MARCHF8: variants seen among roughly 807,000 people sequenced by gnomAD.
MARCHF8 encodes membrane associated ring-CH-type finger 8.
A neutral mutation model predicts 51.6 loss-of-function variants in MARCHF8; 40 were observed. The observed-to-expected ratio is 0.77, with a 90% CI of 0.60 to 1.01. The LOEUF is 1.01. MARCHF8 is among the 50% of genes least tolerant of loss of function. The pLI is 0.00. For missense variants in MARCHF8, 685 were observed against 708.6 expected, an observed-to-expected ratio of 0.97 and a Z score of 0.38; for synonymous variants, 263 against 280.3, an observed-to-expected ratio of 0.94 and a Z score of 0.62.
chr10:45,588,508 G>A lies in MARCHF8; in HGVS notation c.-79+5727C>T, dbSNP rs71499567. ...ACCAATATGTGAAATGTTATGTACT[G>A]CTATATTGTCTTAAAATTGCCTGTT... is the stretch of plus-strand genomic sequence containing the variant. On this transcript the variant is annotated intron_variant, in intron 1 of 6. Transcript: ENST00000319836. Among the ~76,000 whole-genome samples, 11 of 152,202 alleles carry A rather than the reference G, an allele frequency of 7.2e-5. 1 individual carries two copies. The highest frequency in any genetic ancestry group is 5.9e-4 in the Admixed American group (9 of 15,300).
At chr10:45,526,601 T>G (rs2043798230) in intron 2 of MARCHF8, among the ~76,000 whole-genome samples, 1 of 152,054 alleles carries the variant, frequency 6.6e-6, no homozygotes, top group Admixed American at 6.6e-5. Flanking sequence ...GTCTGCAGAA[T>G]AGTGAGCCAA....
At chr10:45,543,181 T>C (rs891959069) in intron 1 of MARCHF8, among the ~76,000 whole-genome samples, 2 of 152,204 alleles carry the variant, frequency 1.3e-5, no homozygotes, top group Admixed American at 6.5e-5. Context: ...TTGACTTAAA[T>C]GACATAACAC....
upstream of MARCHF8, among the ~76,000 whole-genome samples, chr10:45,538,910 G>A (rs543962084): frequency 5.9e-5 from 9 of 152,250 alleles, no homozygotes; most frequent in South Asian, 1.0e-3. Flanking sequence ...ACAGATCAAC[G>A]AGACAGAAAG....
intron 3 of MARCHF8, among the ~76,000 whole-genome samples, chr10:45,467,476 A>ATAATTTTAAAGAGCTT (rs1482471119): frequency 6.6e-6 from 1 of 152,196 alleles, no homozygotes; most frequent in East Asian, 1.9e-4. Context: ...GGTCAAGAAA[A>ATAATTTTAAAGAGCTT]TAATTTTAAA....
chr10:45,580,671 G>T (rs911478376), intron 1 of MARCHF8, among the ~76,000 whole-genome samples: 9 of 152,086 alleles, frequency 5.9e-5, no homozygotes, highest in Admixed American at 2.6e-4. Flanking sequence ...ACTTTTCTTT[G>T]CTTCTTTCAA....
At chr10:45,546,138 T>TTTTA (rs370400917) in intron 1 of MARCHF8, among the ~76,000 whole-genome samples, 28,358 of 147,694 alleles carry the variant, frequency 0.19, 3,033 homozygotes, top group African/African-American at 0.27. Context: ...TGAGCTGAAT[T>TTTTA]TTTATTTATT....
chr10:45,514,673 C>G (rs1485598986), intron 2 of MARCHF8, among the ~76,000 whole-genome samples: 1 of 152,244 alleles, frequency 6.6e-6, no homozygotes, highest in African/African-American at 2.4e-5. Flanking sequence ...TGTAACGATT[C>G]TAAGACTTAC....
At chr10:45,470,093 G>A (rs75345240) in intron 3 of MARCHF8, among the ~76,000 whole-genome samples, 7,097 of 152,206 alleles carry the variant, frequency 0.047, 193 homozygotes, top group Middle Eastern at 0.12. Flanking sequence ...TCCTCTACAT[G>A]GAAAGCATTT....
rs1842613903 is a variant in MARCHF8 at position 45,456,655 on chromosome 10, C to T, written c.*1584G>A. On this transcript the variant is annotated 3_prime_UTR_variant, in exon 8 of 8. Coordinates refer to ENST00000453424, the MANE Select transcript of MARCHF8 (RefSeq NM_001282866.2). Reference sequence around the variant, plus strand: ...GGACCCCCAGCATCTCCCATCTCCTCCGTGCAGGCTGGGTGAGAGAATGGC... The same window carrying T: ...GGACCCCCAGCATCTCCCATCTCCTTCGTGCAGGCTGGGTGAGAGAATGGC... 6.6e-6 allele frequency: 1 copy of T among 152,410 alleles called. No individual in the cohort carries two copies. The highest frequency in any genetic ancestry group is 2.4e-5 in the African/African-American group (1 of 41,572). 9.4% of individuals were successfully genotyped at this position (152,410 alleles called of 1,614,324 possible).
intron 2 of MARCHF8, among the ~76,000 whole-genome samples, chr10:45,490,777 C>G (rs753208874): frequency 3.3e-5 from 5 of 152,240 alleles, no homozygotes; most frequent in African/African-American, 4.8e-5. Flanking sequence ...TGCTCTGTCA[C>G]CTAGGCTGGG....
intron 3 of MARCHF8, among the ~76,000 whole-genome samples, chr10:45,474,515 A>G (rs1564471671): frequency 6.6e-6 from 1 of 152,256 alleles, no homozygotes; most frequent in South Asian, 2.1e-4. Flanking sequence ...TATCTCACAA[A>G]GGGCCATCAC....
At position 45,456,939 on chromosome 10, in the gene MARCHF8, T is replaced by C; in HGVS notation, c.*1300A>G. 1 of 152,422 alleles carries C rather than the reference T, an allele frequency of 6.6e-6. No homozygotes were observed. The allele number at this position is 152,422 out of a possible 1,614,324, so 9.4% of individuals were successfully genotyped here. A position where few individuals can be genotyped will look rare whatever the true frequency, so the allele number is the denominator to read the frequency against. ...AAGGATCCTGTCTGTTCAGTCTGGT[T>C]AAGGCGACAGCTGGGCGGGCATGTG... On this transcript the variant is annotated 3_prime_UTR_variant, in exon 8 of 8. Coordinates refer to ENST00000453424, the MANE Select transcript of MARCHF8 (RefSeq NM_001282866.2).
rs137869621 is a variant in MARCHF8 at position 45,561,556 on chromosome 10, G to A, written c.-78-28267C>T. ...CCCAAAGTGCTGGCATTACAGGCGT[G>A]AGCCACCACGCCCAGCCGAAACAGA... On this transcript the variant is annotated intron_variant, in intron 1 of 6. Coordinates refer to the MARCHF8 transcript ENST00000319836. Among the ~76,000 whole-genome samples the A allele has an allele frequency of 3.5e-3, 531 of 151,688 alleles. 1 individual carries two copies. Among genetic ancestry groups the A allele is most frequent in the South Asian group, 6.5e-3 (31 of 4,784 alleles).
intron 1 of MARCHF8, among the ~76,000 whole-genome samples, chr10:45,543,670 C>T (rs1036196522): frequency 3.3e-5 from 5 of 151,718 alleles, no homozygotes; most frequent in African/African-American, 9.7e-5. Flanking sequence ...CGGTGGCGGG[C>T]GCCTGTAGTC....
chr10:45,460,025 C>A (rs1385791023), intron 6 of MARCHF8: 1 of 355,260 alleles, frequency 2.8e-6, no homozygotes, highest in African/African-American at 2.2e-5. Context: ...TCAAGGACTT[C>A]CCATGTTGAG....
intron 1 of MARCHF8, among the ~76,000 whole-genome samples, chr10:45,580,612 C>T (rs1440336890): frequency 1.3e-5 from 2 of 152,180 alleles, no homozygotes; most frequent in Non-Finnish European, 2.9e-5. Context: ...TTTAAGTCAC[C>T]TGAAAACTGA....
chr10:45,466,890 G>A (rs1037568528), intron 3 of MARCHF8, among the ~76,000 whole-genome samples: 1 of 152,190 alleles, frequency 6.6e-6, no homozygotes, highest in Non-Finnish European at 1.5e-5. Flanking sequence ...CTGAAGGTAG[G>A]AGGGCAGAGC....
At chr10:45,494,316 T>C (rs532805931) in intron 2 of MARCHF8, among the ~76,000 whole-genome samples, 1 of 152,282 alleles carries the variant, frequency 6.6e-6, no homozygotes, top group South Asian at 2.1e-4. Flanking sequence ...AACCAATAAT[T>C]ATCAAGAAGA....
chr10:45,584,126 C>CATATATATATATATATATATAT (rs55978063), intron 1 of MARCHF8, among the ~76,000 whole-genome samples: 1 of 85,366 alleles, frequency 1.2e-5, no homozygotes, highest in Non-Finnish European at 2.3e-5. Flanking sequence ...TATATACAAT[C>CATATATATATATATATATATAT]ATATATATAT....
Sources: allele counts gnomAD v4.1 joint callset (sites outside exome capture counted in the v4.1 genomes callset), GRCh38; gene constraint gnomAD v4.1.1; transcripts MANE v1.5; gene names NCBI Gene and HGNC (gene_info 2026-07-23, HGNC 2026-07-21).